NEGR1: variants seen among roughly 807,000 people sequenced by gnomAD.
NEGR1 encodes IgLON family member 4.
In NEGR1, 10 loss-of-function variants were observed where a neutral mutation model predicts 40.9. That is an observed-to-expected ratio of 0.24 (90% CI 0.15 to 0.42). NEGR1 has a LOEUF of 0.42. Ranked by LOEUF, NEGR1 falls within the 10% of genes least tolerant of loss-of-function variation. The probability of loss-of-function intolerance (pLI) is 1.00; values close to 1 mark genes in which losing one functional copy is unlikely to be tolerated. For missense variants in NEGR1, 352 were observed against 438.9 expected (o/e 0.80, Z 1.77); for synonymous variants, 185 against 166.8 (o/e 1.11, Z -0.84).
At chr1:71,660,749 C>T (rs1418326730) in intron 4 of NEGR1, among the ~76,000 whole-genome samples, 4 of 152,034 alleles carry the variant, frequency 2.6e-5, no homozygotes, top group African/African-American at 7.2e-5. Flanking sequence ...TGCGCACAAC[C>T]TGCAGGTTTG....
intron 1 of NEGR1, among the ~76,000 whole-genome samples, chr1:72,141,607 T>G (rs1650681169): frequency 6.6e-6 from 1 of 152,050 alleles, no homozygotes; most frequent in Non-Finnish European, 1.5e-5. Context: ...GTAATGTTGG[T>G]CAAAGAGTGA....
At chr1:71,699,296 C>T (rs1039320756) in intron 3 of NEGR1, among the ~76,000 whole-genome samples, 3 of 151,890 alleles carry the variant, frequency 2.0e-5, no homozygotes, top group South Asian at 4.1e-4. Flanking sequence ...AGTGTTCCCC[C>T]ATGCACTTCT....
chr1:72,156,241 T>A (rs1451350966), intron 1 of NEGR1, among the ~76,000 whole-genome samples: 1 of 152,180 alleles, frequency 6.6e-6, no homozygotes, highest in Admixed American at 6.6e-5. Context: ...CTATTATGAA[T>A]AATCCTTTGG....
At chr1:71,779,163 T>C (rs1656613834) in intron 2 of NEGR1, among the ~76,000 whole-genome samples, 1 of 152,194 alleles carries the variant, frequency 6.6e-6, no homozygotes, top group Non-Finnish European at 1.5e-5. Flanking sequence ...AGAGGGCCAG[T>C]GAAATCCTTA....
intron 1 of NEGR1, among the ~76,000 whole-genome samples, chr1:72,235,467 G>A (rs1375923874): frequency 1.3e-5 from 2 of 152,044 alleles, no homozygotes; most frequent in Non-Finnish European, 2.9e-5. Flanking sequence ...GGATGAACTT[G>A]AGGGTAGCAA....
intron 1 of NEGR1, among the ~76,000 whole-genome samples, chr1:72,261,673 G>A (rs1298336758): frequency 1.3e-5 from 2 of 152,006 alleles, no homozygotes; most frequent in Admixed American, 6.6e-5. Context: ...GAGGTAGTGG[G>A]ATACTACTCA....
At chr1:72,128,018 C>T (rs1650097995) in intron 1 of NEGR1, among the ~76,000 whole-genome samples, 1 of 152,000 alleles carries the variant, frequency 6.6e-6, no homozygotes, top group Non-Finnish European at 1.5e-5. Context: ...ACTAATATAA[C>T]TAAGTCTCTA....
At chr1:72,079,711 C>T (rs929815951) in intron 1 of NEGR1, among the ~76,000 whole-genome samples, 5 of 151,896 alleles carry the variant, frequency 3.3e-5, no homozygotes, top group African/African-American at 7.2e-5. Context: ...GAATGAAGAC[C>T]AAATATACCT....
intron 2 of NEGR1, among the ~76,000 whole-genome samples, chr1:71,903,808 C>G (rs1199291205): frequency 1.3e-5 from 2 of 151,462 alleles, no homozygotes; most frequent in Admixed American, 6.6e-5. Flanking sequence ...TATATATCAA[C>G]CCCATTCTCT....
intron 6 of NEGR1, among the ~76,000 whole-genome samples, chr1:71,436,801 A>G (rs557271479): frequency 6.6e-6 from 1 of 152,296 alleles, no homozygotes; most frequent in Admixed American, 6.5e-5. Flanking sequence ...ATACTTTATC[A>G]TTCTCATGAT....
chr1:71,638,180 T>C (rs981310791), intron 4 of NEGR1, among the ~76,000 whole-genome samples: 1 of 151,978 alleles, frequency 6.6e-6, no homozygotes, highest in African/African-American at 2.4e-5. Context: ...TTAGAGAAAA[T>C]ATTATTTTCA....
intron 1 of NEGR1, among the ~76,000 whole-genome samples, chr1:72,115,471 T>C (rs1354619129): frequency 6.6e-6 from 1 of 151,760 alleles, no homozygotes; most frequent in Non-Finnish European, 1.5e-5. Flanking sequence ...TGGGGCTCTG[T>C]AATCTTGTTA....
chr1:71,682,211 T>C (rs572039512), intron 4 of NEGR1, among the ~76,000 whole-genome samples: 1 of 152,326 alleles, frequency 6.6e-6, no homozygotes, highest in East Asian at 1.9e-4. Flanking sequence ...TCTTTTTTTT[T>C]TCAGTTGTAA....
intron 1 of NEGR1, among the ~76,000 whole-genome samples, chr1:72,183,278 T>C (rs998506514): frequency 5.3e-5 from 8 of 152,124 alleles, no homozygotes; most frequent in Non-Finnish European, 1.0e-4. Context: ...TTTCCCAGGC[T>C]TCTTTAAGTG....
chr1:71,829,474 C>A (rs1658762660), intron 2 of NEGR1, among the ~76,000 whole-genome samples: 1 of 151,814 alleles, frequency 6.6e-6, no homozygotes, highest in South Asian at 2.1e-4. Context: ...ATAATCAGAG[C>A]TGCTGCCTAC....
At chr1:71,837,968 TATTA>T (rs1407992397) in intron 2 of NEGR1, among the ~76,000 whole-genome samples, 26 of 152,152 alleles carry the variant, frequency 1.7e-4, no homozygotes, top group Non-Finnish European at 3.4e-4. Flanking sequence ...GATCTAAGAC[TATTA>T]ATTAAGACTG....
intron 2 of NEGR1, among the ~76,000 whole-genome samples, chr1:71,813,327 T>C (rs1244006167): frequency 6.6e-6 from 1 of 152,188 alleles, no homozygotes; most frequent in African/African-American, 2.4e-5. Flanking sequence ...CTGTTTTGGT[T>C]GCTGTAGCCT....
In NEGR1 at chr1:71,961,813, A is replaced by G. The variant is rs188392011; in HGVS notation, c.177-26502T>C. The stretch of plus-strand genomic sequence containing the variant: ...TAAGATACATCATCTCATTAAGAAC[A>G]CAGGTTTTGGGTCAAATGGACTTAG... On this transcript the variant is annotated intron_variant, in intron 1 of 6. Coordinates refer to ENST00000357731, the MANE Select transcript of NEGR1 (RefSeq NM_173808.3). 1.1e-4 allele frequency among the ~76,000 whole-genome samples: 16 copies of G among 152,242 alleles called. No homozygotes were observed. In the East Asian group the frequency reaches 1.9e-3, roughly 18 times the overall value.
At chr1:72,108,263 A>G (rs1649213369) in intron 1 of NEGR1, among the ~76,000 whole-genome samples, 1 of 151,650 alleles carries the variant, frequency 6.6e-6, no homozygotes, top group African/African-American at 2.4e-5. Context: ...GGTGTTCATT[A>G]TTTAGGTGAT....
Sources: gnomAD v4.1 joint callset for allele counts (sites outside exome capture counted in the v4.1 genomes callset) on GRCh38, gnomAD v4.1.1 for gene constraint, MANE v1.5 for transcripts, NCBI Gene and HGNC (gene_info 2026-07-23, HGNC 2026-07-21) for gene names.